DOCK7: variants seen among roughly 807,000 people sequenced by gnomAD.
DOCK7 encodes the protein dedicator of cytokinesis 7.
Under a neutral mutation model 271.0 loss-of-function variants are expected in DOCK7, and 138 were observed. That is an observed-to-expected ratio of 0.51 (90% CI 0.44 to 0.59). The LOEUF (loss-of-function observed/expected upper bound fraction) is 0.59, where lower values mean the gene tolerates loss of function less well. Ranked by LOEUF, DOCK7 falls within the 20% of genes least tolerant of loss-of-function variation. The probability of loss-of-function intolerance (pLI) is 0.00; values close to 1 mark genes in which losing one functional copy is unlikely to be tolerated. For synonymous variants in DOCK7, 823 were observed against 876.1 expected (o/e 0.94, Z 1.07); for missense variants, 2,066 against 2,592.4 (o/e 0.80, Z 4.41).
chr1:62,486,147 T>G (rs760651282), intron 43 of DOCK7: 4 of 152,166 alleles, frequency 2.6e-5, no homozygotes, highest in African/African-American at 9.6e-5. Flanking sequence ...TCTTTATGTA[T>G]GTCTTAACTG....
At chr1:62,623,511 A>G (rs1653542569) in intron 12 of DOCK7, among the ~76,000 whole-genome samples, 1 of 152,236 alleles carries the variant, frequency 6.6e-6, no homozygotes, top group Non-Finnish European at 1.5e-5. Flanking sequence ...ATAAATAGAT[A>G]GGGGGTAGAT....
chr1:62,597,689 C>T (rs780153441), intron 14 of DOCK7: 71 of 1,613,294 alleles, frequency 4.4e-5, no homozygotes, highest in Admixed American at 4.0e-4. Flanking sequence ...CTATGTTAGA[C>T]GATGTAAAAA....
intron 49 of DOCK7, among the ~76,000 whole-genome samples, chr1:62,456,885 T>G (rs988379220): frequency 3.3e-5 from 5 of 152,186 alleles, no homozygotes; most frequent in African/African-American, 9.7e-5. Context: ...TGTTTCCCAT[T>G]GGGAATTTTG....
At chr1:62,662,932 C>T (rs1658836642) in intron 2 of DOCK7, 93 bp downstream of exon 2, 7 of 955,248 alleles carry the variant, frequency 7.3e-6, no homozygotes, top group South Asian at 1.8e-5. Context: ...AGACTAATGA[C>T]GGAACCCAAT....
chr1:62,512,636 G>A (rs541160910), intron 33 of DOCK7, among the ~76,000 whole-genome samples: 2 of 152,056 alleles, frequency 1.3e-5, no homozygotes, highest in Admixed American at 6.6e-5. Context: ...CAGGCCAGAC[G>A]TGGTGGCTCA....
At position 62,632,190 on chromosome 1, in the gene DOCK7, T is replaced by C. The variant is rs939563182; in HGVS notation, c.1117-785A>G. ...TCAGGGCTAGAAAAAGATGAAACGA[T>C]AACTAAATGATAGCACTATTACTAT... On this transcript the variant is annotated intron_variant, in intron 10 of 49. Transcript: ENST00000635253. Among the ~76,000 whole-genome samples the C allele has an allele frequency of 1.2e-4, 18 of 152,190 alleles. 2 individuals carry two copies. Among genetic ancestry groups the C allele is most frequent in the Admixed American group, 9.8e-4 (15 of 15,280 alleles).
intron 11 of DOCK7, among the ~76,000 whole-genome samples, chr1:62,630,334 G>A (rs952737083): frequency 1.6e-4 from 24 of 152,148 alleles, no homozygotes; most frequent in African/African-American, 5.5e-4. Flanking sequence ...TGTGGTTTTC[G>A]GTCCAGCTCG....
intron 48 of DOCK7, among the ~76,000 whole-genome samples, chr1:62,471,020 A>G (rs531076005): frequency 6.6e-6 from 1 of 152,288 alleles, no homozygotes; most frequent in African/African-American, 2.4e-5. Flanking sequence ...ACATGAAGGC[A>G]AGGAGGATGA....
intron 15 of DOCK7, among the ~76,000 whole-genome samples, chr1:62,583,803 A>T (rs1243248529): frequency 1.3e-5 from 2 of 152,122 alleles, no homozygotes; most frequent in Non-Finnish European, 2.9e-5. Context: ...ATATATATAT[A>T]TTTTTAATCC....
chr1:62,604,476 T>C, intron 14 of DOCK7: 3 of 927,692 alleles, frequency 3.2e-6, no homozygotes, highest in Non-Finnish European at 4.9e-6. Flanking sequence ...TACAGATTAT[T>C]TAAAATTGGG....
intron 38 of DOCK7, 88 bp from the exon 39 acceptor site, chr1:62,495,769 A>ATC: frequency 3.7e-6 from 4 of 1,072,032 alleles, no homozygotes; most frequent in Non-Finnish European, 5.3e-6. Flanking sequence ...TCAGATAAAT[A>ATC]TCTAAAGATT....
intron 48 of DOCK7, among the ~76,000 whole-genome samples, chr1:62,465,679 G>A (rs1024454216): frequency 1.3e-5 from 2 of 152,082 alleles, no homozygotes; most frequent in Non-Finnish European, 2.9e-5. Context: ...AGTCTCCGGA[G>A]TACCTGGGAT....
At chr1:62,677,044 A>G (rs926630687) in intron 1 of DOCK7, among the ~76,000 whole-genome samples, 1 of 152,236 alleles carries the variant, frequency 6.6e-6, no homozygotes, top group Non-Finnish European at 1.5e-5. Flanking sequence ...ACTGCCACAT[A>G]TTTAAGTAAT....
intron 16 of DOCK7, among the ~76,000 whole-genome samples, chr1:62,581,623 G>T (rs1647125026): frequency 6.6e-6 from 1 of 152,086 alleles, no homozygotes. Context: ...CATTTTCACT[G>T]AATGTAACTC....
At chr1:62,641,591 C>A (rs1382562270) in intron 7 of DOCK7, 4 of 472,814 alleles carry the variant, frequency 8.5e-6, no homozygotes, top group Non-Finnish European at 1.7e-5. Flanking sequence ...GTAGAAATTG[C>A]CAGAAATGTG....
At chr1:62,624,701 T>A (rs1394079440) in intron 12 of DOCK7, among the ~76,000 whole-genome samples, 3 of 152,158 alleles carry the variant, frequency 2.0e-5, no homozygotes, top group African/African-American at 7.2e-5. Flanking sequence ...GGATACAGGC[T>A]GGACATGGTG....
chr1:62,636,668 T>G, intron 7 of DOCK7, 65 bp from the exon 8 acceptor site: 1 of 1,352,808 alleles, frequency 7.4e-7, no homozygotes, highest in Non-Finnish European at 1.0e-6. Flanking sequence ...GGAGAGAAAT[T>G]GATTCCAAAA....
chr1:62,479,505 C>T (rs1164159075), intron 43 of DOCK7, among the ~76,000 whole-genome samples: 1 of 151,742 alleles, frequency 6.6e-6, no homozygotes. Context: ...CTGATTAAAA[C>T]CATAAGTAAG....
intron 48 of DOCK7, 96 bp from the exon 49 acceptor site, chr1:62,457,801 G>A: frequency 1.8e-6 from 2 of 1,139,526 alleles, no homozygotes; most frequent in East Asian, 4.7e-5. Context: ...ATATATGTGG[G>A]CTTAATGACA....
Sources: allele counts gnomAD v4.1 joint callset (sites outside exome capture counted in the v4.1 genomes callset), GRCh38; gene constraint gnomAD v4.1.1; transcripts MANE v1.5; gene names NCBI Gene and HGNC (gene_info 2026-07-23, HGNC 2026-07-21).